The following SMYD4 variants were observed in gnomAD, a reference collection of about 807,000 sequenced individuals.
The protein encoded by SMYD4 is SET and MYND domain containing 4.
Under a neutral mutation model 72.8 loss-of-function variants are expected in SMYD4, and 68 were observed. The ratio of observed to expected loss-of-function variants is 0.93; its 90% CI spans 0.77 to 1.14. The LOEUF (loss-of-function observed/expected upper bound fraction) is 1.14, where lower values mean the gene tolerates loss of function less well. Among genes scored for constraint, SMYD4 ranks in the 50% most tolerant of loss-of-function variants. The probability of loss-of-function intolerance (pLI) is 0.00; values close to 1 mark genes in which losing one functional copy is unlikely to be tolerated. For missense variants in SMYD4, 984 were observed against 1,003.7 expected, an observed-to-expected ratio of 0.98 and a Z score of 0.27; for synonymous variants, 407 against 388.6, an observed-to-expected ratio of 1.05 and a Z score of -0.56.
At chr17:1,816,348 G>C (rs111607872) in intron 2 of SMYD4, among the ~76,000 whole-genome samples, 2 of 151,798 alleles carry the variant, frequency 1.3e-5, no homozygotes, top group South Asian at 4.1e-4. Context: ...GGCCAGGCGC[G>C]GTGGCTCACG....
In SMYD4 at chr17:1,794,105, A is replaced by ATTTTTTTTTTT. The variant is rs59420310; in HGVS notation, c.1537+5741_1537+5751dup. On this transcript the variant is annotated intron_variant, in intron 5 of 10. Coordinates refer to ENST00000305513, the MANE Select transcript of SMYD4 (RefSeq NM_052928.3). ...TGTATATATATATATATATATATAT[A>ATTTTTTTTTTT]TTTTTTTTTTTTTTTTTTTTTTGAG... Among the ~76,000 whole-genome samples the ATTTTTTTTTTT allele has an allele frequency of 2.3e-4, 3 of 12,992 alleles. 1 individual carries two copies. Among genetic ancestry groups the ATTTTTTTTTTT allele is most frequent in the African/African-American group, 3.6e-4 (1 of 2,752 alleles). 8.5% of individuals were successfully genotyped at this position (12,992 alleles called of 152,430 possible).
Position 1,800,003 on chromosome 17 carries a change from G to T in SMYD4, c.1391C>A (p.Thr464Asn). The part of the protein sequence containing the change: ...LEAASLQAIP[T>N]ERIVNSSQLK... ...CTGAGAGGAGTTCACAATCCTCTCA[G>T]TTGGGATGGCCTGTAAACTGGCTGC... The change falls in exon 5 of 11, where the codon ACT (threonine) becomes AAT (asparagine). Residue 464 changes from threonine to asparagine, a missense_variant. Thr to Asn is a moderately conservative substitution (Grantham distance 65, BLOSUM62 0). Coordinates refer to ENST00000305513, the MANE Select transcript of SMYD4 (RefSeq NM_052928.3). 1 of 1,614,194 alleles carries T rather than the reference G, an allele frequency of 6.2e-7. No individual in the cohort carries two copies. Among genetic ancestry groups the T allele is most frequent in the Non-Finnish European group, 8.5e-7 (1 of 1,180,032 alleles).
intron 4 of SMYD4, among the ~76,000 whole-genome samples, chr17:1,802,092 T>C (rs1909797748): frequency 6.6e-6 from 1 of 152,218 alleles, no homozygotes; most frequent in South Asian, 2.1e-4. Flanking sequence ...GGGATAATAA[T>C]ATCTCCCAGT....
intron 5 of SMYD4, among the ~76,000 whole-genome samples, chr17:1,790,757 C>T (rs1289430850): frequency 1.3e-5 from 2 of 151,938 alleles, no homozygotes; most frequent in Non-Finnish European, 2.9e-5. Flanking sequence ...CCTCGTGATC[C>T]ACCCACCTTG....
intron 2 of SMYD4, among the ~76,000 whole-genome samples, chr17:1,826,509 A>G (rs866098689): frequency 0.015 from 1,021 of 68,502 alleles, 7 homozygotes; most frequent in African/African-American, 0.08. Flanking sequence ...AAAAAAAAAA[A>G]AAAAAAAAAG....
chr17:1,782,928 TAAAG>T, intron 10 of SMYD4, 103 bp downstream of exon 10: 2 of 1,484,610 alleles, frequency 1.3e-6, no homozygotes, highest in Non-Finnish European at 1.8e-6. Context: ...AAAGAGGAAA[TAAAG>T]AAGTTTCAAC....
chr17:1,784,361 C>T lies in SMYD4; in HGVS notation c.1985G>A (p.Arg662Lys). 6.8e-6 allele frequency: 11 copies of T among 1,614,248 alleles called. No homozygotes were observed. The highest frequency in any genetic ancestry group is 9.3e-6 in the Non-Finnish European group (11 of 1,180,054). Residue 662 changes from arginine (R) to lysine (K), a missense_variant, in exon 8 of 11, where the codon AGA becomes AAA. Coordinates refer to ENST00000305513, the MANE Select transcript of SMYD4 (RefSeq NM_052928.3). Reference sequence around the variant, plus strand: ...ATCTCTGAGAAGCTTCTGGGCCACTCTGACCTGCTGCTGTAGGTCCTGTAA... The same window carrying T: ...ATCTCTGAGAAGCTTCTGGGCCACTTTGACCTGCTGCTGTAGGTCCTGTAA... ...SRLQDLQQQV[R>K]VAQKLLRDGE...
intron 4 of SMYD4, among the ~76,000 whole-genome samples, chr17:1,803,142 A>G (rs1311449978): frequency 3.3e-5 from 5 of 152,128 alleles, no homozygotes; most frequent in African/African-American, 4.8e-5. Context: ...ACACTGTCTC[A>G]AAAAAACAAA....
chr17:1,810,821 T>C (rs1195111580), intron 3 of SMYD4, among the ~76,000 whole-genome samples: 1 of 152,230 alleles, frequency 6.6e-6, no homozygotes, highest in East Asian at 1.9e-4. Flanking sequence ...GGCATCGGCA[T>C]GCCATCGACC....
At chr17:1,790,062 G>A (rs1324078641) in intron 5 of SMYD4, among the ~76,000 whole-genome samples, 2 of 152,190 alleles carry the variant, frequency 1.3e-5, no homozygotes, top group Non-Finnish European at 2.9e-5. Flanking sequence ...AAGGCAGGTG[G>A]CAGGAAGGAG....
At chr17:1,824,317 TG>T (rs1198605501) in intron 2 of SMYD4, among the ~76,000 whole-genome samples, 1 of 152,192 alleles carries the variant, frequency 6.6e-6, no homozygotes, top group Non-Finnish European at 1.5e-5. Flanking sequence ...CACTCCAGCC[TG>T]GGCGACAGAG....
rs1458642818 is a variant in SMYD4, at chr17:1,779,815, GT to G, written c.*1470del. 1 of 152,598 alleles carries G rather than the reference GT, an allele frequency of 6.6e-6. No homozygotes were observed. The highest frequency in any genetic ancestry group is 1.9e-4 in the East Asian group (1 of 5,194). 9.5% of individuals were successfully genotyped at this position (152,598 alleles called of 1,614,324 possible). On this transcript the variant is annotated 3_prime_UTR_variant, in exon 11 of 11. Coordinates refer to ENST00000305513, the MANE Select transcript of SMYD4 (RefSeq NM_052928.3). ...AGGTAAGCAGGCTTGCTGATTTCTT[GT>G]TTTATAATTCTTTTTTAATTACAAT...
chr17:1,793,857 G>A (rs530248401), intron 5 of SMYD4, among the ~76,000 whole-genome samples: 4 of 149,930 alleles, frequency 2.7e-5, no homozygotes, highest in Non-Finnish European at 5.9e-5. Context: ...AGTTTCACTC[G>A]TTGCCCAGGC....
Position 1,787,486 on chromosome 17 carries a change from G to A in SMYD4, c.1656C>T (p.Ser552=), listed in dbSNP as rs1326048132. The part of the protein sequence containing the change: ...CSPNTSVSFI[S]TVATIRASQR... ...GTGACGCCCGGATGGTGGCGACAGT[G>A]CTAATGAAGGACACGCTGGTGTTGG... is the stretch of plus-strand genomic sequence containing the variant. The change falls in exon 6 of 11, where the codon AGC becomes AGT. Residue 552 remains serine (S), a synonymous_variant. Transcript: ENST00000305513. 2 of 1,573,788 alleles carry A rather than the reference G, an allele frequency of 1.3e-6. No individual in the cohort carries two copies. The highest frequency in any genetic ancestry group is 1.3e-5 in the African/African-American group (1 of 74,356).
chr17:1,789,764 C>CCAAAAAA lies in SMYD4; in HGVS notation c.1538-2161_1538-2160insTTTTTTG, dbSNP rs71150816. Among the ~76,000 whole-genome samples the CCAAAAAA allele has an allele frequency of 2.9e-4, 26 of 90,134 alleles. 5 individuals carry two copies. The highest frequency in any genetic ancestry group is 3.6e-4 in the South Asian group (1 of 2,784). The allele number at this position is 90,134 out of a possible 152,430, so 59.1% of individuals were successfully genotyped here. ...TGGGTGAAAGAGCGAGACTCTGTCTCAAAAAAAAAAAAAAAGTTTTATAAA... is the reference window on the plus strand; with the variant it reads ...TGGGTGAAAGAGCGAGACTCTGTCTCCAAAAAAAAAAAAAAAAAAAAAGTTTTATAAA... On this transcript the variant is annotated intron_variant, in intron 5 of 10. Transcript: ENST00000305513.
rs373179794 is a variant in SMYD4 at position 1,802,684 on chromosome 17, A to G, written c.370-1660T>C. Among the ~76,000 whole-genome samples the G allele has an allele frequency of 2.5e-4, 38 of 152,260 alleles. 2 individuals carry two copies. The South Asian group carries it at 3.1e-3, about 12-fold the overall frequency. ...GGGCAGTAAGTGTGGACTTCTTACT[A>G]TTCCAATAGTTCTCAACCCTAGGGT... On this transcript the variant is annotated intron_variant, in intron 4 of 10. Coordinates refer to ENST00000305513, the MANE Select transcript of SMYD4 (RefSeq NM_052928.3).
chr17:1,795,140 CA>C (rs1909323024), intron 5 of SMYD4, among the ~76,000 whole-genome samples: 1 of 152,104 alleles, frequency 6.6e-6, no homozygotes, highest in Non-Finnish European at 1.5e-5. Context: ...CAGGCTGGAG[CA>C]GTTTACACAG....
intron 8 of SMYD4, 145 bp from the exon 9 acceptor site, chr17:1,783,621 C>T (rs1908497679): frequency 1.5e-6 from 2 of 1,375,746 alleles, no homozygotes; most frequent in Admixed American, 5.3e-5. Flanking sequence ...CGCACAATGT[C>T]TGTTCCAATA....
intron 5 of SMYD4, among the ~76,000 whole-genome samples, chr17:1,795,397 G>A (rs892698013): frequency 1.4e-5 from 2 of 143,442 alleles, no homozygotes; most frequent in African/African-American, 2.5e-5. Flanking sequence ...ACAGTGGCAC[G>A]ATCTCAGCTC....
Sources: allele counts gnomAD v4.1 joint callset (sites outside exome capture counted in the v4.1 genomes callset), GRCh38; gene constraint gnomAD v4.1.1; transcripts MANE v1.5; gene names NCBI Gene and HGNC (gene_info 2026-07-23, HGNC 2026-07-21).